Variants in WWOX observed in about 807,000 individuals in gnomAD.
WWOX encodes WW domain-containing oxidoreductase.
In WWOX, 69 loss-of-function variants were observed where a neutral mutation model predicts 46.2. The observed-to-expected ratio is 1.49, with a 90% CI of 1.23 to 1.82. WWOX has a LOEUF of 1.82. WWOX is among the 40% of genes most tolerant of loss of function. WWOX has a pLI of 0.00. For missense variants in WWOX, 919 were observed against 542.6 expected, an observed-to-expected ratio of 1.69 and a Z score of -6.89; for synonymous variants, 359 against 202.6, an observed-to-expected ratio of 1.77 and a Z score of -6.56.
chr16:78,100,776 C>T (rs1189649969), intron 1 of WWOX, among the ~76,000 whole-genome samples: 1 of 152,226 alleles, frequency 6.6e-6, no homozygotes, highest in Non-Finnish European at 1.5e-5. Context: ...TGTTCCTTAA[C>T]TGTCGTTCCT....
chr16:78,663,385 C>G (rs1265326542), intron 8 of WWOX, among the ~76,000 whole-genome samples: 1 of 152,118 alleles, frequency 6.6e-6, no homozygotes, highest in East Asian at 1.9e-4. Context: ...AAATAATATT[C>G]TATTCTATCA....
intron 1 of WWOX, among the ~76,000 whole-genome samples, chr16:78,106,077 C>G (rs1181160412): frequency 6.6e-6 from 1 of 152,166 alleles, no homozygotes. Context: ...GCTGGGATTA[C>G]AGGCGTGAGC....
chr16:78,888,383 C>T (rs572125566), intron 8 of WWOX, among the ~76,000 whole-genome samples: 1 of 152,142 alleles, frequency 6.6e-6, no homozygotes, highest in South Asian at 2.1e-4. Flanking sequence ...TCCCTTGGCC[C>T]TTGGGTCCCT....
At chr16:78,206,236 A>G (rs778222885) in intron 5 of WWOX, among the ~76,000 whole-genome samples, 7 of 152,280 alleles carry the variant, frequency 4.6e-5, no homozygotes, top group Non-Finnish European at 1.0e-4. Flanking sequence ...GTGGTGGAAT[A>G]TCAATCCAGA....
At chr16:78,615,255 C>G (rs1328218999) in intron 8 of WWOX, among the ~76,000 whole-genome samples, 7 of 152,100 alleles carry the variant, frequency 4.6e-5, no homozygotes, top group Admixed American at 4.6e-4. Context: ...ATGGGAGATC[C>G]TAAGTTTCAG....
rs553222317 is a variant in WWOX at position 78,293,379 on chromosome 16, T to C, written c.517-93481T>C. On this transcript the variant is annotated intron_variant, in intron 5 of 8. Transcript: ENST00000566780. ...TTTTGTAACTGAGTCCAGGCATCTT[T>C]AGAAACAGAAATGGTCCCTGCTCTT... is the stretch of plus-strand genomic sequence containing the variant. 2.0e-5 allele frequency among the ~76,000 whole-genome samples: 3 copies of C among 152,324 alleles called. No individual in the cohort carries two copies. In the South Asian group the frequency reaches 6.2e-4, roughly 32 times the overall value.
intron 8 of WWOX, among the ~76,000 whole-genome samples, chr16:78,626,274 G>T (rs914784763): frequency 3.3e-5 from 5 of 152,052 alleles, no homozygotes; most frequent in African/African-American, 4.8e-5. Context: ...GGGACCACAG[G>T]CATGCGCCAC....
chr16:78,297,394 C>A (rs764830485), intron 5 of WWOX, among the ~76,000 whole-genome samples: 1 of 152,072 alleles, frequency 6.6e-6, no homozygotes, highest in African/African-American at 2.4e-5. Flanking sequence ...CAGCATCCCC[C>A]ACAGCTTTGG....
intron 8 of WWOX, among the ~76,000 whole-genome samples, chr16:78,563,813 C>T (rs944674300): frequency 6.6e-6 from 1 of 152,174 alleles, no homozygotes; most frequent in Non-Finnish European, 1.5e-5. Flanking sequence ...CTGTCCCCTG[C>T]ATATGTACAT....
rs2081397546 is a variant in WWOX, at chr16:78,360,952, C to A, written c.517-25908C>A. Among the ~76,000 whole-genome samples, 3 of 152,028 alleles carry A rather than the reference C, an allele frequency of 2.0e-5. No individual in the cohort carries two copies. In the South Asian group the frequency reaches 6.2e-4, roughly 32 times the overall value. ...CCTCCCACCTCAGTCTCCTGAGTATCTGGGACTATACGCATGCACCACCAT... is the reference window on the plus strand; with the variant it reads ...CCTCCCACCTCAGTCTCCTGAGTATATGGGACTATACGCATGCACCACCAT... On this transcript the variant is annotated intron_variant, in intron 5 of 8. Transcript: ENST00000566780.
intron 8 of WWOX, among the ~76,000 whole-genome samples, chr16:79,056,235 T>A (rs887545419): frequency 6.9e-6 from 1 of 144,138 alleles, no homozygotes; most frequent in Non-Finnish European, 1.5e-5. Flanking sequence ...AAAAAAAAAA[T>A]TCAGCATTTC....
intron 8 of WWOX, among the ~76,000 whole-genome samples, chr16:79,041,067 C>G (rs2047962201): frequency 6.6e-6 from 1 of 151,910 alleles, no homozygotes; most frequent in Non-Finnish European, 1.5e-5. Context: ...AGAAACATGG[C>G]CAGAATGCAA....
chr16:78,428,804 T>A (rs2083148237), intron 7 of WWOX, among the ~76,000 whole-genome samples: 1 of 152,104 alleles, frequency 6.6e-6, no homozygotes, highest in African/African-American at 2.4e-5. Flanking sequence ...GCTCAGGAGT[T>A]GAGATTAGCA....
chr16:78,533,950 T>G (rs1230890731), intron 8 of WWOX, among the ~76,000 whole-genome samples: 1 of 152,058 alleles, frequency 6.6e-6, no homozygotes, highest in Non-Finnish European at 1.5e-5. Context: ...AGATACAGAG[T>G]AGTAACCCTA....
At chr16:79,086,354 G>A (rs924511912) in intron 8 of WWOX, among the ~76,000 whole-genome samples, 9 of 152,190 alleles carry the variant, frequency 5.9e-5, no homozygotes, top group Non-Finnish European at 1.0e-4. Flanking sequence ...TCAAATTTGT[G>A]CAAAGAAAAT....
At chr16:78,768,655 C>T (rs1401534031) in intron 8 of WWOX, among the ~76,000 whole-genome samples, 1 of 150,732 alleles carries the variant, frequency 6.6e-6, no homozygotes, top group African/African-American at 2.4e-5. Context: ...TTATAATTTT[C>T]AGAGGTTGTG....
At chr16:79,059,217 C>G (rs981646547) in intron 8 of WWOX, among the ~76,000 whole-genome samples, 3 of 152,158 alleles carry the variant, frequency 2.0e-5, no homozygotes, top group African/African-American at 7.2e-5. Context: ...CATGAATATG[C>G]TATTACAGTT....
chr16:78,501,929 C>G (rs992456830), intron 8 of WWOX, among the ~76,000 whole-genome samples: 2 of 152,120 alleles, frequency 1.3e-5, no homozygotes, highest in African/African-American at 2.4e-5. Context: ...GTGGTCCCAC[C>G]TGCCCATCGT....
At chr16:78,330,449 T>G (rs993991290) in intron 5 of WWOX, among the ~76,000 whole-genome samples, 2 of 152,094 alleles carry the variant, frequency 1.3e-5, no homozygotes, top group African/African-American at 4.8e-5. Context: ...CAGGCTATAG[T>G]GCACTGGCGT....
Sources: gnomAD v4.1 joint callset for allele counts (sites outside exome capture counted in the v4.1 genomes callset) on GRCh38, gnomAD v4.1.1 for gene constraint, MANE v1.5 for transcripts, NCBI Gene and HGNC (gene_info 2026-07-23, HGNC 2026-07-21) for gene names.